Variants in ESRRG observed in about 807,000 individuals in gnomAD.
ESRRG encodes estrogen related receptor gamma, also known as estrogen-related receptor gamma.
ESRRG carries 13 observed loss-of-function variants against 44.0 expected under a neutral mutation model. That is an observed-to-expected ratio of 0.30 (90% confidence interval 0.19 to 0.47). The LOEUF (loss-of-function observed/expected upper bound fraction) is 0.47. Among genes scored for constraint, ESRRG ranks in the 20% least tolerant of loss-of-function variants. The probability of loss-of-function intolerance (pLI) is 1.00; values close to 1 mark genes in which losing one functional copy is unlikely to be tolerated. For missense variants in ESRRG, 395 were observed against 580.6 expected (o/e 0.68, Z 3.29); for synonymous variants, 215 against 214.6 (o/e 1.00, Z -0.02).
intron 2 of ESRRG, among the ~76,000 whole-genome samples, chr1:216,666,972 A>G (rs2074070093): frequency 6.6e-6 from 1 of 152,166 alleles, no homozygotes; most frequent in African/African-American, 2.4e-5. Context: ...TGGTAATGCA[A>G]GGGCTTCTTT....
chr1:216,514,974 AC>A (rs2043784363), intron 6 of ESRRG, among the ~76,000 whole-genome samples: 1 of 151,738 alleles, frequency 6.6e-6, no homozygotes, highest in Non-Finnish European at 1.5e-5. Context: ...ACACACACAC[AC>A]ACACACACAC....
intron 1 of ESRRG, among the ~76,000 whole-genome samples, chr1:216,694,856 G>A (rs545234222): frequency 6.6e-6 from 1 of 152,216 alleles, no homozygotes; most frequent in South Asian, 2.1e-4. Context: ...ACTGCACCTG[G>A]CCCATTTTTT....
At chr1:216,936,136 G>C (rs1047682703) in intron 2 of ESRRG, among the ~76,000 whole-genome samples, 3 of 151,998 alleles carry the variant, frequency 2.0e-5, no homozygotes, top group African/African-American at 7.2e-5. Context: ...AATTCCAAGG[G>C]ATAAAGAGCT....
chr1:216,568,551 T>C (rs564866497), intron 3 of ESRRG, among the ~76,000 whole-genome samples: 11 of 152,268 alleles, frequency 7.2e-5, no homozygotes, highest in Admixed American at 2.0e-4. Context: ...ACCTGTGGAA[T>C]TGAGCTGAAT....
intron 2 of ESRRG, among the ~76,000 whole-genome samples, chr1:216,907,755 A>T (rs1375008870): frequency 1.3e-5 from 2 of 152,160 alleles, no homozygotes; most frequent in African/African-American, 4.8e-5. Flanking sequence ...TCAAATCAAA[A>T]GTTTCAAAGA....
intron 2 of ESRRG, among the ~76,000 whole-genome samples, chr1:216,776,509 G>T (rs6687061): frequency 0.21 from 31,504 of 151,996 alleles, 3,534 homozygotes; most frequent in East Asian, 0.31. Flanking sequence ...TACTCTCTGA[G>T]GGTTGGAACT....
intron 3 of ESRRG, among the ~76,000 whole-genome samples, chr1:216,614,960 C>T (rs2061214088): frequency 6.6e-6 from 1 of 152,180 alleles, no homozygotes. Context: ...GAGCAGACCT[C>T]TATGTGTGTT....
intron 2 of ESRRG, among the ~76,000 whole-genome samples, chr1:216,821,107 A>G (rs189312690): frequency 2.0e-5 from 3 of 152,194 alleles, no homozygotes; most frequent in Admixed American, 2.0e-4. Context: ...ATAAGAATAC[A>G]TAGGGTTAGG....
At chr1:216,956,564 A>G (rs2067999359) in intron 1 of ESRRG, among the ~76,000 whole-genome samples, 1 of 152,008 alleles carries the variant, frequency 6.6e-6, no homozygotes, top group Non-Finnish European at 1.5e-5. Context: ...TGTTCCTTTT[A>G]GTATTTCTCT....
chr1:216,563,763 C>G (rs1287128276), intron 5 of ESRRG, among the ~76,000 whole-genome samples: 1 of 151,956 alleles, frequency 6.6e-6, no homozygotes, highest in African/African-American at 2.4e-5. Flanking sequence ...GATTGTAAGC[C>G]AAAGCAAAGC....
intron 1 of ESRRG, among the ~76,000 whole-genome samples, chr1:217,051,342 T>TG (rs1484513341): frequency 6.6e-6 from 1 of 151,928 alleles, no homozygotes; most frequent in Non-Finnish European, 1.5e-5. Context: ...TTCTAAAAGG[T>TG]GAATCAGTTA....
intron 2 of ESRRG, among the ~76,000 whole-genome samples, chr1:216,733,915 G>A (rs1278888839): frequency 1.3e-5 from 2 of 151,410 alleles, no homozygotes; most frequent in Non-Finnish European, 2.9e-5. Context: ...CCTGAACCAG[G>A]GAGGCAGAGG....
chr1:217,110,914 C>A (rs980782230), intron 1 of ESRRG, among the ~76,000 whole-genome samples: 8 of 152,146 alleles, frequency 5.3e-5, no homozygotes, highest in African/African-American at 1.9e-4. Context: ...GGTTTCCAAG[C>A]CATTGCATGT....
chr1:216,827,510 G>C (rs1252440622), intron 2 of ESRRG, among the ~76,000 whole-genome samples: 1 of 152,050 alleles, frequency 6.6e-6, no homozygotes, highest in Non-Finnish European at 1.5e-5. Context: ...TATAAAACAG[G>C]AATAATTATG....
intron 1 of ESRRG, among the ~76,000 whole-genome samples, chr1:216,959,942 T>C (rs1211930918): frequency 3.9e-5 from 6 of 152,290 alleles, no homozygotes; most frequent in African/African-American, 1.2e-4. Context: ...CAGGAGGAAC[T>C]ATTCCCACTT....
intron 1 of ESRRG, among the ~76,000 whole-genome samples, chr1:217,004,733 T>G (rs1033119715): frequency 6.6e-6 from 1 of 152,218 alleles, no homozygotes; most frequent in Non-Finnish European, 1.5e-5. Context: ...ATCAATTAAT[T>G]TATTCTGAAA....
At chr1:216,628,090 T>A (rs1003622163) in intron 3 of ESRRG, among the ~76,000 whole-genome samples, 2 of 152,232 alleles carry the variant, frequency 1.3e-5, no homozygotes, top group Non-Finnish European at 2.9e-5. Context: ...CTAAGTATGA[T>A]ATCTTCATGA....
intron 5 of ESRRG, among the ~76,000 whole-genome samples, chr1:216,523,567 C>A (rs1299603645): frequency 6.7e-6 from 1 of 149,008 alleles, no homozygotes; most frequent in African/African-American, 2.5e-5. Flanking sequence ...AAAGGCTAAG[C>A]ATTTGAAAGT....
At chr1:217,085,184 CA>C (rs1359171034) in intron 1 of ESRRG, among the ~76,000 whole-genome samples, 4 of 151,932 alleles carry the variant, frequency 2.6e-5, no homozygotes, top group African/African-American at 9.7e-5. Context: ...TAAAGAGTTG[CA>C]ATAATTTCAC....
Sources: allele counts gnomAD v4.1 joint callset (sites outside exome capture counted in the v4.1 genomes callset), GRCh38; gene constraint gnomAD v4.1.1; transcripts MANE v1.5; gene names NCBI Gene and HGNC (gene_info 2026-07-23, HGNC 2026-07-21).